ARID1B: variants seen among roughly 807,000 people sequenced by gnomAD.
The protein encoded by ARID1B is AT-rich interaction domain 1B.
ARID1B carries 30 observed loss-of-function variants against 212.3 expected under a neutral mutation model. That is an observed-to-expected ratio of 0.14 (90% confidence interval 0.11 to 0.19). The LOEUF is 0.19. ARID1B is among the 10% of genes least tolerant of loss of function. ARID1B has a pLI of 1.00. For synonymous variants in ARID1B, 1,402 were observed against 1,301.7 expected (o/e 1.08, Z -1.66); for missense variants, 2,891 against 3,204.0 (o/e 0.90, Z 2.36).
intron 3 of ARID1B, among the ~76,000 whole-genome samples, chr6:156,909,318 G>A (rs964479058): frequency 4.6e-5 from 7 of 151,752 alleles, no homozygotes; most frequent in African/African-American, 1.7e-4. Flanking sequence ...TAGAAACGGG[G>A]TTTCACCATG....
intron 2 of ARID1B, among the ~76,000 whole-genome samples, chr6:156,839,081 G>A (rs1053719227): frequency 2.6e-5 from 4 of 152,126 alleles, no homozygotes; most frequent in African/African-American, 9.7e-5. Flanking sequence ...TGTGCCATTC[G>A]TTAGGGGTCA....
At chr6:156,877,514 C>CAT (rs75825590) in intron 2 of ARID1B, among the ~76,000 whole-genome samples, 52,278 of 151,802 alleles carry the variant, frequency 0.34, 9,463 homozygotes, top group African/African-American at 0.46. Flanking sequence ...ACTTCAATAA[C>CAT]GTGTCTCCCT....
intron 15 of ARID1B, among the ~76,000 whole-genome samples, chr6:157,192,172 T>G (rs1473297278): frequency 6.6e-6 from 1 of 152,220 alleles, no homozygotes; most frequent in African/African-American, 2.4e-5. Flanking sequence ...TAGCTGTTTT[T>G]CTTAGTGGTA....
intron 1 of ARID1B, among the ~76,000 whole-genome samples, chr6:156,788,815 T>C (rs779904390): frequency 1.4e-4 from 21 of 152,182 alleles, no homozygotes; most frequent in Non-Finnish European, 2.6e-4. Flanking sequence ...TTTTAAATGC[T>C]GAGATTTATA....
Position 156,914,588 on chromosome 6 carries a change from T to C in ARID1B, c.2136+13063T>C, listed in dbSNP as rs143120547. Among the ~76,000 whole-genome samples, 195 of 152,342 alleles carry C rather than the reference T, an allele frequency of 1.3e-3. 2 individuals carry two copies. Among genetic ancestry groups the C allele is most frequent in the African/African-American group, 4.5e-3 (186 of 41,568 alleles). ...TTTGTGGCTCTACCCACCTTACCTG[T>C]ATGATTTCTTTTACTTTCAAAGCTT... On this transcript the variant is annotated intron_variant, in intron 3 of 19. Coordinates refer to ENST00000636930, the MANE Select transcript of ARID1B (RefSeq NM_001374828.1).
chr6:156,855,633 A>G (rs1562437712), intron 2 of ARID1B, among the ~76,000 whole-genome samples: 1 of 152,252 alleles, frequency 6.6e-6, no homozygotes. Flanking sequence ...GCTATATGAA[A>G]ACTGGTTAAA....
intron 2 of ARID1B, among the ~76,000 whole-genome samples, chr6:156,856,389 A>G (rs1784932828): frequency 6.6e-6 from 1 of 152,218 alleles, no homozygotes; most frequent in African/African-American, 2.4e-5. Flanking sequence ...TTGGCATTTT[A>G]TGTACATTAA....
At chr6:156,827,500 T>G (rs1430930930) in intron 1 of ARID1B, among the ~76,000 whole-genome samples, 1 of 152,242 alleles carries the variant, frequency 6.6e-6, no homozygotes, top group African/African-American at 2.4e-5. Context: ...GGAGCAGTCC[T>G]GTGTTCATCT....
At chr6:157,091,708 C>T (rs1785294498) in intron 5 of ARID1B, among the ~76,000 whole-genome samples, 1 of 152,154 alleles carries the variant, frequency 6.6e-6, no homozygotes, top group African/African-American at 2.4e-5. Context: ...AGTTTTAGGT[C>T]TCTTAGGGCT....
chr6:156,974,442 G>C (rs1000159425), intron 4 of ARID1B, among the ~76,000 whole-genome samples: 1 of 152,282 alleles, frequency 6.6e-6, no homozygotes, highest in South Asian at 2.1e-4. Flanking sequence ...AAAGCCAATT[G>C]TGTAGAGGTA....
At chr6:157,084,561 C>T in intron 4 of ARID1B, 101 bp from the exon 5 acceptor site, 1 of 1,443,012 alleles carries the variant, frequency 6.9e-7, no homozygotes, top group Non-Finnish European at 9.3e-7. Context: ...CCCAGAAAAC[C>T]TTCATCTCTG....
chr6:156,930,399 T>C (rs1728256192), intron 3 of ARID1B, among the ~76,000 whole-genome samples: 1 of 152,182 alleles, frequency 6.6e-6, no homozygotes. Flanking sequence ...TGAGGCCTCC[T>C]CAGAAGCAGA....
intron 6 of ARID1B, among the ~76,000 whole-genome samples, chr6:157,130,663 AT>A (rs1788485890): frequency 6.6e-6 from 1 of 152,192 alleles, no homozygotes; most frequent in African/African-American, 2.4e-5. Flanking sequence ...GTTAGACTAT[AT>A]CTCTTTTTTT....
intron 4 of ARID1B, among the ~76,000 whole-genome samples, chr6:157,068,439 G>T (rs1173205567): frequency 1.3e-5 from 2 of 152,122 alleles, no homozygotes; most frequent in Non-Finnish European, 2.9e-5. Context: ...CCCACAAGAA[G>T]ATACACTAAA....
chr6:156,790,926 G>A lies in ARID1B; in HGVS notation c.1791+11455G>A, dbSNP rs544733131. On this transcript the variant is annotated intron_variant, in intron 1 of 19. Coordinates refer to ENST00000636930, the MANE Select transcript of ARID1B (RefSeq NM_001374828.1). ...GGGAAATTGAAAGGTAAGCAGTTTT[G>A]TGTTTTATCTTTTATTATGCATTAA... 2.8e-4 allele frequency among the ~76,000 whole-genome samples: 43 copies of A among 152,258 alleles called. No individual in the cohort carries two copies. In the Middle Eastern group the frequency reaches 0.01, roughly 36 times the overall value.
chr6:156,903,385 A>G (rs1408721162), intron 3 of ARID1B, among the ~76,000 whole-genome samples: 12 of 152,214 alleles, frequency 7.9e-5, no homozygotes, highest in Admixed American at 7.8e-4. Flanking sequence ...TATTCTGAAT[A>G]AAACCAAACA....
chr6:157,000,101 G>C (rs10485200), intron 4 of ARID1B, among the ~76,000 whole-genome samples: 44,087 of 151,950 alleles, frequency 0.29, 6,581 homozygotes, highest in Non-Finnish European at 0.32. Flanking sequence ...CCTAGGCAAG[G>C]GTTTGACAAG....
At chr6:157,174,303 G>A (rs1791934515) in intron 10 of ARID1B, 186 bp downstream of exon 10, 1 of 562,608 alleles carries the variant, frequency 1.8e-6, no homozygotes. Flanking sequence ...GGATCTGAAA[G>A]TTACTAGTTC....
intron 7 of ARID1B, among the ~76,000 whole-genome samples, chr6:157,144,601 G>GGGAGGA (rs542784525): frequency 8.5e-5 from 13 of 152,204 alleles, no homozygotes; most frequent in South Asian, 4.1e-4. Context: ...TGTGAGCTTG[G>GGGAGGA]GGAGGAGGAG....
Sources: allele counts gnomAD v4.1 joint callset (sites outside exome capture counted in the v4.1 genomes callset), GRCh38; gene constraint gnomAD v4.1.1; transcripts MANE v1.5; gene names NCBI Gene and HGNC (gene_info 2026-07-23, HGNC 2026-07-21).